The following P3H2 variants were observed in gnomAD, a reference collection of about 807,000 sequenced individuals.
P3H2 encodes the protein prolyl 3-hydroxylase 2.
In P3H2, 80 loss-of-function variants were observed where a neutral mutation model predicts 87.0. That is an observed-to-expected ratio of 0.92 (90% CI 0.77 to 1.11). The LOEUF (loss-of-function observed/expected upper bound fraction) is 1.11, where lower values mean the gene tolerates loss of function less well. Ranked by LOEUF, P3H2 falls within the 50% of genes least tolerant of loss-of-function variation. The pLI, the probability that P3H2 is intolerant of heterozygous loss-of-function variation, is 0.00. For synonymous variants in P3H2, 367 were observed against 359.3 expected (o/e 1.02, Z -0.24); for missense variants, 1,001 against 923.9 (o/e 1.08, Z -1.08).
At chr3:190,031,198 T>C (rs1725240044) in intron 1 of P3H2, among the ~76,000 whole-genome samples, 1 of 152,146 alleles carries the variant, frequency 6.6e-6, no homozygotes, top group South Asian at 2.1e-4. Flanking sequence ...AATTTATAGA[T>C]GAAAGGATTT....
At chr3:190,068,474 C>T (rs758528502) in intron 1 of P3H2, among the ~76,000 whole-genome samples, 6 of 152,152 alleles carry the variant, frequency 3.9e-5, no homozygotes, top group Non-Finnish European at 2.9e-5. Context: ...ACCCCACACC[C>T]TTTGTCTCCC....
At chr3:190,107,688 A>C (rs1461303486) in intron 1 of P3H2, among the ~76,000 whole-genome samples, 1 of 152,206 alleles carries the variant, frequency 6.6e-6, no homozygotes, top group Non-Finnish European at 1.5e-5. Flanking sequence ...AAAATCTTTA[A>C]AGCTACAATT....
At chr3:190,014,268 A>C (rs1724684133) in intron 1 of P3H2, among the ~76,000 whole-genome samples, 1 of 152,220 alleles carries the variant, frequency 6.6e-6, no homozygotes, top group Admixed American at 6.5e-5. Context: ...TGTCATTGAT[A>C]TTTCTTTCTC....
At chr3:190,032,665 C>T (rs1725288496) in intron 1 of P3H2, among the ~76,000 whole-genome samples, 1 of 152,136 alleles carries the variant, frequency 6.6e-6, no homozygotes, top group Non-Finnish European at 1.5e-5. Context: ...TTACTATTTC[C>T]TCCTAGAAAC....
chr3:189,978,539 T>C (rs1723422482), intron 8 of P3H2, among the ~76,000 whole-genome samples: 1 of 152,160 alleles, frequency 6.6e-6, no homozygotes, highest in Non-Finnish European at 1.5e-5. Context: ...GTCTTCAATA[T>C]CTGAATCTTG....
chr3:190,052,949 T>C (rs1009308438), intron 1 of P3H2, among the ~76,000 whole-genome samples: 14 of 152,316 alleles, frequency 9.2e-5, no homozygotes, highest in Admixed American at 5.2e-4. Flanking sequence ...TCTGCTTTCA[T>C]TTCTATAGGT....
chr3:189,974,978 T>C (rs1295680835), intron 8 of P3H2, among the ~76,000 whole-genome samples: 1 of 152,224 alleles, frequency 6.6e-6, no homozygotes, highest in African/African-American at 2.4e-5. Flanking sequence ...AAAAGTCGAC[T>C]GGGCATCTCA....
intron 14 of P3H2, 50 bp from the exon 15 acceptor site, chr3:189,958,054 C>G (rs533415931): frequency 1.5e-6 from 2 of 1,374,154 alleles, no homozygotes; most frequent in East Asian, 4.6e-5. Flanking sequence ...AATAATCAGT[C>G]TCATCAGCAG....
chr3:190,109,689 G>A (rs952833055), intron 1 of P3H2, among the ~76,000 whole-genome samples: 1 of 152,114 alleles, frequency 6.6e-6, no homozygotes, highest in African/African-American at 2.4e-5. Context: ...ATCTTGAAGA[G>A]AGAAGCTCTA....
intron 4 of P3H2, among the ~76,000 whole-genome samples, chr3:189,988,581 T>C (rs566649301): frequency 3.3e-5 from 5 of 152,310 alleles, no homozygotes; most frequent in Non-Finnish European, 4.4e-5. Context: ...GGATAATAAA[T>C]AATGTTTTGT....
At chr3:190,099,988 C>T (rs577304467) in intron 1 of P3H2, among the ~76,000 whole-genome samples, 49 of 152,276 alleles carry the variant, frequency 3.2e-4, no homozygotes, top group Non-Finnish European at 5.1e-4. Flanking sequence ...AATCCCAGCA[C>T]TCTGGGAGGC....
intron 1 of P3H2, among the ~76,000 whole-genome samples, chr3:190,054,864 C>T (rs918896820): frequency 6.6e-6 from 1 of 152,020 alleles, no homozygotes; most frequent in Non-Finnish European, 1.5e-5. Context: ...AATTGTATGC[C>T]CCCCTCCATC....
chr3:189,975,040 C>A (rs982935288), intron 8 of P3H2, among the ~76,000 whole-genome samples: 1 of 152,158 alleles, frequency 6.6e-6, no homozygotes, highest in East Asian at 1.9e-4. Flanking sequence ...CTCATTCATA[C>A]CTCTGTCGCA....
intron 1 of P3H2, among the ~76,000 whole-genome samples, chr3:190,102,090 C>T (rs1711645448): frequency 6.6e-6 from 1 of 152,170 alleles, no homozygotes; most frequent in African/African-American, 2.4e-5. Flanking sequence ...ATAAAAGATT[C>T]ATTTCAAAAT....
At chr3:190,116,378 A>T (rs1712287047) in intron 1 of P3H2, among the ~76,000 whole-genome samples, 2 of 152,234 alleles carry the variant, frequency 1.3e-5, no homozygotes, top group Admixed American at 1.3e-4. Context: ...CGTAGGCCCC[A>T]TTATTTCCCC....
At chr3:189,958,133 C>T (rs1263735007) in intron 14 of P3H2, 129 bp from the exon 15 acceptor site, 1 of 729,388 alleles carries the variant, frequency 1.4e-6, no homozygotes, top group African/African-American at 1.7e-5. Flanking sequence ...AAGCATTGAA[C>T]ACCTCCTCTT....
In P3H2 at chr3:190,120,282, G is replaced by A; in HGVS notation, c.450C>T (p.Pro150=). 1 of 1,611,014 alleles carries A rather than the reference G, an allele frequency of 6.2e-7. No individual in the cohort carries two copies. The highest frequency in any genetic ancestry group is 1.3e-5 in the African/African-American group (1 of 75,024). The change falls in exon 1 of 15, where the codon CCC becomes CCT. Residue 150 remains proline (P), a synonymous_variant. Coordinates refer to ENST00000319332, the MANE Select transcript of P3H2 (RefSeq NM_018192.4). The part of the protein sequence containing the change: ...DVRSDFQRRV[P]YNYLQRAYIK... Reference sequence around the variant, plus strand: ...TGTAGGCCCGCTGCAGGTAGTTGTAGGGCACTCTGCGCTGGAAGTCGCTGC... The same window carrying A: ...TGTAGGCCCGCTGCAGGTAGTTGTAAGGCACTCTGCGCTGGAAGTCGCTGC...
chr3:189,975,493 A>C (rs974849925), intron 8 of P3H2, among the ~76,000 whole-genome samples: 5 of 152,168 alleles, frequency 3.3e-5, no homozygotes, highest in African/African-American at 1.2e-4. Flanking sequence ...TAGTGCAAAC[A>C]TTTTGAACCA....
At chr3:189,987,824 G>A in intron 4 of P3H2, 155 bp from the exon 5 acceptor site, 1 of 811,970 alleles carries the variant, frequency 1.2e-6, no homozygotes, top group Non-Finnish European at 2.0e-6. Flanking sequence ...AACAGTCACA[G>A]ATAAAAGGAA....
Sources: gnomAD v4.1 joint callset for allele counts (sites outside exome capture counted in the v4.1 genomes callset) on GRCh38, gnomAD v4.1.1 for gene constraint, MANE v1.5 for transcripts, NCBI Gene and HGNC (gene_info 2026-07-23, HGNC 2026-07-21) for gene names.